The following MTA3 variants were observed in gnomAD, a reference collection of about 807,000 sequenced individuals.
MTA3 encodes metastasis associated 1 family member 3.
A neutral mutation model predicts 83.5 loss-of-function variants in MTA3; 34 were observed. That is an observed-to-expected ratio of 0.41 (90% CI 0.31 to 0.54). MTA3 has a LOEUF of 0.54. Among genes scored for constraint, MTA3 ranks in the 20% least tolerant of loss-of-function variants. MTA3 has a pLI of 0.33. For synonymous variants in MTA3, 303 were observed against 252.7 expected, an observed-to-expected ratio of 1.20 and a Z score of -1.89; for missense variants, 761 against 726.4, an observed-to-expected ratio of 1.05 and a Z score of -0.55.
At chr2:42,644,449 C>A (rs759470699) in intron 6 of MTA3, among the ~76,000 whole-genome samples, 1 of 152,184 alleles carries the variant, frequency 6.6e-6, no homozygotes, top group African/African-American at 2.4e-5. Context: ...TGGTCTTGAT[C>A]TCCTGGCCTC....
chr2:42,684,545 A>G (rs1457059969), intron 9 of MTA3, among the ~76,000 whole-genome samples: 2 of 152,238 alleles, frequency 1.3e-5, no homozygotes, highest in Admixed American at 1.3e-4. Flanking sequence ...CAGAATAACA[A>G]TAGAGCAGTG....
intron 16 of MTA3, among the ~76,000 whole-genome samples, chr2:42,733,445 A>G (rs1055223249): frequency 5.9e-5 from 9 of 152,220 alleles, no homozygotes; most frequent in African/African-American, 2.2e-4. Context: ...GGGAGGTACA[A>G]TTCAAGTTGA....
At chr2:42,711,750 G>A (rs1666626868) in intron 14 of MTA3, among the ~76,000 whole-genome samples, 1 of 138,502 alleles carries the variant, frequency 7.2e-6, no homozygotes, top group Admixed American at 7.4e-5. Context: ...AACCATGTCT[G>A]TGATCTACTG....
upstream of MTA3, among the ~76,000 whole-genome samples, chr2:42,565,787 T>G (rs1280053185): frequency 1.3e-5 from 2 of 152,064 alleles, no homozygotes; most frequent in Admixed American, 6.6e-5. Flanking sequence ...GCAGATCACT[T>G]GAGGTCAGGA....
At position 42,681,786 on chromosome 2, in the gene MTA3, C is replaced by T. The variant is rs371389603; in HGVS notation, c.703-615C>T. On this transcript the variant is annotated intron_variant, in intron 8 of 16. Transcript: ENST00000405094. Reference sequence around the variant, plus strand: ...TTGGCTTCTCAAAGCGCTGGGATTACAGGCATGAGCCACGATGTGTGGCCT... The same window carrying T: ...TTGGCTTCTCAAAGCGCTGGGATTATAGGCATGAGCCACGATGTGTGGCCT... Among the ~76,000 whole-genome samples the T allele has an allele frequency of 1.1e-4, 17 of 151,888 alleles. No homozygotes were observed. The South Asian group carries it at 2.7e-3, about 24-fold the overall frequency.
intron 2 of MTA3, among the ~76,000 whole-genome samples, chr2:42,541,282 C>T (rs762576305): frequency 1.2e-4 from 18 of 152,110 alleles, no homozygotes; most frequent in African/African-American, 3.9e-4. Flanking sequence ...CCACCCGCCT[C>T]GGCCTCCCAG....
chr2:42,697,725 A>G (rs1693513214), intron 10 of MTA3, 51 bp from the exon 11 acceptor site: 2 of 1,182,712 alleles, frequency 1.7e-6, no homozygotes, highest in African/African-American at 1.6e-5. Flanking sequence ...AATGAACAGT[A>G]GTAATAATTA....
chr2:42,705,863 A>G (rs971354100), intron 12 of MTA3, among the ~76,000 whole-genome samples: 3 of 152,186 alleles, frequency 2.0e-5, no homozygotes, highest in African/African-American at 7.2e-5. Context: ...AATCTCCATG[A>G]TAAAATGTTA....
At chr2:42,636,774 G>C (rs993858296) in intron 4 of MTA3, among the ~76,000 whole-genome samples, 1 of 151,654 alleles carries the variant, frequency 6.6e-6, no homozygotes, top group Admixed American at 6.6e-5. Context: ...CTACAGGCGT[G>C]TGCTACCACT....
intron 2 of MTA3, among the ~76,000 whole-genome samples, chr2:42,509,242 C>T (rs886879336): frequency 1.3e-5 from 2 of 152,026 alleles, no homozygotes; most frequent in African/African-American, 4.8e-5. Context: ...GGGGTTTCAC[C>T]ATGTTGACCA....
intron 3 of MTA3, among the ~76,000 whole-genome samples, chr2:42,586,477 A>AACACACAC (rs573814961): frequency 0.02 from 1,436 of 72,700 alleles, 60 homozygotes; most frequent in East Asian, 0.045. Context: ...AAGGAAGGAA[A>AACACACAC]ACACACACAC....
At chr2:42,713,998 C>T (rs1031177847) in intron 14 of MTA3, among the ~76,000 whole-genome samples, 3 of 152,122 alleles carry the variant, frequency 2.0e-5, no homozygotes, top group African/African-American at 7.2e-5. Context: ...GTTTTATTGC[C>T]CGTAGAAAAA....
At chr2:42,582,025 C>G (rs1304417722) in intron 3 of MTA3, 1 of 152,888 alleles carries the variant, frequency 6.5e-6, no homozygotes, top group South Asian at 2.0e-4. Context: ...GCTGGTATTA[C>G]AGGCATGAGC....
At chr2:42,746,098 CA>C (rs1332778908) in intron 16 of MTA3, among the ~76,000 whole-genome samples, 4 of 152,140 alleles carry the variant, frequency 2.6e-5, no homozygotes, top group African/African-American at 9.7e-5. Flanking sequence ...AGGCGTGAGC[CA>C]CTGCGCCCTG....
chr2:42,722,217 A>C (rs1213149690), intron 15 of MTA3, among the ~76,000 whole-genome samples: 1 of 152,198 alleles, frequency 6.6e-6, no homozygotes, highest in Non-Finnish European at 1.5e-5. Context: ...CATCTACAAT[A>C]AGAGCACGTA....
At chr2:42,505,188 T>C (rs535447028) in intron 2 of MTA3, among the ~76,000 whole-genome samples, 3 of 152,120 alleles carry the variant, frequency 2.0e-5, no homozygotes, top group East Asian at 1.9e-4. Context: ...GGTCAGGAGA[T>C]TGAGGCATCC....
At chr2:42,558,599 G>C (rs1413475741) in intron 2 of MTA3, among the ~76,000 whole-genome samples, 3 of 150,750 alleles carry the variant, frequency 2.0e-5, no homozygotes, top group African/African-American at 4.9e-5. Flanking sequence ...TCTCTCACCA[G>C]GCTGGAGTGC....
chr2:42,715,406 C>CT (rs35673744), intron 14 of MTA3, among the ~76,000 whole-genome samples: 11,255 of 103,658 alleles, frequency 0.11, 814 homozygotes, highest in Non-Finnish European at 0.15. Flanking sequence ...CCACCAACTA[C>CT]TTTTTTTTTT....
chr2:42,611,710 G>C (rs1403438174), intron 4 of MTA3, among the ~76,000 whole-genome samples: 3 of 152,074 alleles, frequency 2.0e-5, no homozygotes, highest in Admixed American at 2.0e-4. Context: ...CAGCTAATTG[G>C]GGGGCTGAGG....
Sources: gnomAD v4.1 joint callset for allele counts (sites outside exome capture counted in the v4.1 genomes callset) on GRCh38, gnomAD v4.1.1 for gene constraint, MANE v1.5 for transcripts, NCBI Gene and HGNC (gene_info 2026-07-23, HGNC 2026-07-21) for gene names.